Variants in RASSF8 observed in about 807,000 individuals in gnomAD.
The protein encoded by RASSF8 is Ras association domain family member 8, also known as ras association domain-containing protein 8.
Under a neutral mutation model 48.5 loss-of-function variants are expected in RASSF8, and 22 were observed. The ratio of observed to expected loss-of-function variants is 0.45; its 90% CI spans 0.32 to 0.65. The LOEUF (loss-of-function observed/expected upper bound fraction) is 0.65, where lower values mean the gene tolerates loss of function less well. Ranked by LOEUF, RASSF8 falls within the 30% of genes least tolerant of loss-of-function variation. The pLI is 0.03. For missense variants in RASSF8, 418 were observed against 489.2 expected, an observed-to-expected ratio of 0.85 and a Z score of 1.37; for synonymous variants, 127 against 171.5, an observed-to-expected ratio of 0.74 and a Z score of 2.03.
chr12:26,070,636 A>C lies in RASSF8; in HGVS notation c.*1818A>C. The C allele has an allele frequency of 1.0e-6, 1 of 952,564 alleles. No individual in the cohort carries two copies. Among genetic ancestry groups the C allele is most frequent in the Non-Finnish European group, 1.2e-6 (1 of 800,192 alleles). The allele number at this position is 952,564 out of a possible 1,614,324, so 59.0% of individuals were successfully genotyped here. A position where few individuals can be genotyped will look rare whatever the true frequency, so the allele number is the denominator to read the frequency against. On this transcript the variant is annotated 3_prime_UTR_variant, in exon 6 of 6. Coordinates refer to ENST00000689635, the MANE Select transcript of RASSF8 (RefSeq NM_001394098.1). ...AATTAGGATGATTAAAAAATAATTT[A>C]TAGATTTTGTGACAGTAATGATTTA...
intron 2 of RASSF8, among the ~76,000 whole-genome samples, chr12:26,020,861 G>A (rs1292094052): frequency 1.3e-5 from 2 of 152,016 alleles, no homozygotes; most frequent in Non-Finnish European, 2.9e-5. Flanking sequence ...GAAGCTTTTG[G>A]GGCCTATGTT....
intron 2 of RASSF8, among the ~76,000 whole-genome samples, chr12:26,015,232 G>T (rs1313499778): frequency 6.6e-6 from 1 of 151,766 alleles, no homozygotes; most frequent in Non-Finnish European, 1.5e-5. Flanking sequence ...TCCATATATG[G>T]TCAAAAGGTA....
intron 2 of RASSF8, among the ~76,000 whole-genome samples, chr12:26,027,801 G>A (rs1354569044): frequency 6.6e-6 from 1 of 152,140 alleles, no homozygotes; most frequent in African/African-American, 2.4e-5. Flanking sequence ...GGAGAGAGGG[G>A]ATAGAATGAG....
At chr12:26,035,518 T>G (rs994643334) in intron 2 of RASSF8, among the ~76,000 whole-genome samples, 6 of 140,514 alleles carry the variant, frequency 4.3e-5, no homozygotes, top group African/African-American at 1.5e-4. Flanking sequence ...TATAATATAA[T>G]TATATGAAAT....
At chr12:25,964,056 G>T (rs1565595038) in intron 1 of RASSF8, among the ~76,000 whole-genome samples, 1 of 152,178 alleles carries the variant, frequency 6.6e-6, no homozygotes. Context: ...GATTTGCCTC[G>T]TGTAGGCCCT....
rs1012296084 is a variant in RASSF8, at chr12:25,959,115, G to C, written c.-236G>C. 1.3e-5 allele frequency: 2 copies of C among 150,910 alleles called. No individual in the cohort carries two copies. The highest frequency in any genetic ancestry group is 2.4e-5 in the African/African-American group (1 of 41,282). 9.3% of individuals were successfully genotyped at this position (150,910 alleles called of 1,614,324 possible). ...CCAGCGCCCCGGCCGGCCCCTCTGG[G>C]CGGCCTGCGGGGGCGGCGCAGTTGC... On this transcript the variant is annotated 5_prime_UTR_variant, in exon 1 of 6. Transcript: ENST00000689635.
At chr12:26,021,713 C>T (rs1479359006) in intron 2 of RASSF8, among the ~76,000 whole-genome samples, 1 of 152,150 alleles carries the variant, frequency 6.6e-6, no homozygotes, top group Non-Finnish European at 1.5e-5. Flanking sequence ...AGAAGTTCAA[C>T]ACTGAGAAAG....
chr12:26,046,193 A>C (rs933454956), intron 2 of RASSF8, among the ~76,000 whole-genome samples: 3 of 152,200 alleles, frequency 2.0e-5, no homozygotes, highest in Non-Finnish European at 4.4e-5. Flanking sequence ...GACTAAATTT[A>C]TATCATTTGG....
At chr12:26,012,917 C>A (rs1942565160) in intron 2 of RASSF8, among the ~76,000 whole-genome samples, 2 of 152,132 alleles carry the variant, frequency 1.3e-5, no homozygotes, top group Non-Finnish European at 2.9e-5. Context: ...CTGAAGCAAT[C>A]CTTCTGCCTC....
chr12:26,035,397 GAA>G (rs1204693648), intron 2 of RASSF8, among the ~76,000 whole-genome samples: 2 of 126,964 alleles, frequency 1.6e-5, no homozygotes, highest in African/African-American at 2.9e-5. Context: ...ATAATTATAT[GAA>G]ATTATATAAT....
chr12:26,072,255 C>T lies in RASSF8; in HGVS notation c.*3437C>T. 4 of 976,172 alleles carry T rather than the reference C, an allele frequency of 4.1e-6. No individual in the cohort carries two copies. The highest frequency in any genetic ancestry group is 4.9e-6 in the Non-Finnish European group (4 of 821,590). The allele number at this position is 976,172 out of a possible 1,614,324, so 60.5% of individuals were successfully genotyped here. The stretch of plus-strand genomic sequence containing the variant: ...GTATTGTGTTCAGTTTTTTAAGTTG[C>T]ATGTTTATACTATTTGCTACAGTAT... On this transcript the variant is annotated 3_prime_UTR_variant, in exon 6 of 6. Transcript: ENST00000689635.
intron 2 of RASSF8, among the ~76,000 whole-genome samples, chr12:26,051,648 T>C (rs2137218628): frequency 6.6e-6 from 1 of 152,360 alleles, no homozygotes; most frequent in Admixed American, 6.5e-5. Flanking sequence ...TTTCCGGTAC[T>C]GTTTTATGCA....
chr12:26,058,539 C>A (rs1269741615), intron 3 of RASSF8, among the ~76,000 whole-genome samples: 3 of 19,394 alleles, frequency 1.5e-4, no homozygotes, highest in Non-Finnish European at 3.5e-4. Context: ...CGCGCGCGCG[C>A]ACACACACAC....
At chr12:25,992,510 G>A (rs976995140) in intron 1 of RASSF8, among the ~76,000 whole-genome samples, 2 of 152,218 alleles carry the variant, frequency 1.3e-5, no homozygotes, top group African/African-American at 4.8e-5. Flanking sequence ...GGAGTGACTA[G>A]TTTTGATAAG....
chr12:26,024,130 G>T (rs183626674), intron 2 of RASSF8, among the ~76,000 whole-genome samples: 1 of 152,228 alleles, frequency 6.6e-6, no homozygotes, highest in Non-Finnish European at 1.5e-5. Context: ...CTGGGAAGAG[G>T]AAATACTTGT....
chr12:26,064,673 G>A lies in RASSF8; in HGVS notation c.279G>A (p.Val93=). 6.2e-7 allele frequency: 1 copy of A among 1,614,060 alleles called. No homozygotes were observed. Among genetic ancestry groups the A allele is most frequent in the Non-Finnish European group, 8.5e-7 (1 of 1,179,994 alleles). ...SLSERPTSDS[V]ARIPERTLYR... ...GTGAGCGACCCACTTCAGACAGTGT[G>A]GCTCGAATTCCTGAAAGAACTTTAT... The change falls in exon 4 of 6, where the codon GTG becomes GTA. Residue 93 remains valine (V), a synonymous_variant. Coordinates refer to ENST00000689635, the MANE Select transcript of RASSF8 (RefSeq NM_001394098.1).
intron 1 of RASSF8, among the ~76,000 whole-genome samples, chr12:25,980,131 A>G (rs1012005165): frequency 2.6e-5 from 4 of 152,052 alleles, no homozygotes; most frequent in African/African-American, 9.7e-5. Context: ...ATGGTTAAAA[A>G]CCAATTTAAG....
intron 2 of RASSF8, among the ~76,000 whole-genome samples, chr12:25,996,744 TTAAA>T (rs1362128837): frequency 6.6e-6 from 1 of 152,194 alleles, no homozygotes; most frequent in Non-Finnish European, 1.5e-5. Flanking sequence ...TAAAAAGGTT[TTAAA>T]TAAATGAAGG....
At position 26,069,095 on chromosome 12, in the gene RASSF8, G is replaced by A. The variant is rs924809351; in HGVS notation, c.*277G>A. ...GTAGCATTTTGAGAGCTTTAGGAAAGTATTATATAGTGTGTATACATAAAT... is the reference window on the plus strand; with the variant it reads ...GTAGCATTTTGAGAGCTTTAGGAAAATATTATATAGTGTGTATACATAAAT... On this transcript the variant is annotated 3_prime_UTR_variant, in exon 6 of 6. Coordinates refer to ENST00000689635, the MANE Select transcript of RASSF8 (RefSeq NM_001394098.1). 2.7e-5 allele frequency: 29 copies of A among 1,076,728 alleles called. No homozygotes were observed. The highest frequency in any genetic ancestry group is 9.8e-5 in the Admixed American group (2 of 20,482). The allele number at this position is 1,076,728 out of a possible 1,614,324, so 66.7% of individuals were successfully genotyped here.
Sources: allele counts gnomAD v4.1 joint callset (sites outside exome capture counted in the v4.1 genomes callset), GRCh38; gene constraint gnomAD v4.1.1; transcripts MANE v1.5; gene names NCBI Gene and HGNC (gene_info 2026-07-23, HGNC 2026-07-21).